The following AUTS2 variants were observed in gnomAD, a reference collection of about 807,000 sequenced individuals.
AUTS2 encodes the protein autism susceptibility gene 2 protein.
Under a neutral mutation model 112.4 loss-of-function variants are expected in AUTS2, and 17 were observed. That is an observed-to-expected ratio of 0.15 (90% CI 0.10 to 0.23). AUTS2 has a LOEUF of 0.23. AUTS2 is among the 10% of genes least tolerant of loss of function. The probability of loss-of-function intolerance (pLI) is 1.00; values close to 1 mark genes in which losing one functional copy is unlikely to be tolerated. For missense variants in AUTS2, 1,510 were observed against 1,701.6 expected, an observed-to-expected ratio of 0.89 and a Z score of 1.98; for synonymous variants, 751 against 702.7, an observed-to-expected ratio of 1.07 and a Z score of -1.09.
chr7:69,944,915 G>A (rs1322256175), intron 2 of AUTS2, among the ~76,000 whole-genome samples: 1 of 152,068 alleles, frequency 6.6e-6, no homozygotes, highest in Admixed American at 6.6e-5. Flanking sequence ...CCCTTTCTTA[G>A]CATCCTAAGC....
chr7:70,494,809 G>A (rs1798385435), intron 5 of AUTS2, among the ~76,000 whole-genome samples: 1 of 152,152 alleles, frequency 6.6e-6, no homozygotes, highest in South Asian at 2.1e-4. Context: ...GCCCAAAGCT[G>A]AGGAAAAATG....
rs536187280 is a variant in AUTS2 at position 70,583,062 on chromosome 7, G to A, written c.691-115507G>A. 2.7e-4 allele frequency among the ~76,000 whole-genome samples: 41 copies of A among 152,286 alleles called. 1 individual carries two copies. In the South Asian group the frequency reaches 8.5e-3, roughly 32 times the overall value. On this transcript the variant is annotated intron_variant, in intron 5 of 18. Coordinates refer to ENST00000342771, the MANE Select transcript of AUTS2 (RefSeq NM_015570.4). ...CCTGTTTAAGTTTTATTTAGAGAAA[G>A]TGTGTAACTTATAAACCAGCTCGCT... is the stretch of plus-strand genomic sequence containing the variant.
At chr7:70,450,527 G>C (rs953528852) in intron 5 of AUTS2, among the ~76,000 whole-genome samples, 8 of 152,200 alleles carry the variant, frequency 5.3e-5, no homozygotes. Context: ...TGTTTGGTCA[G>C]GGTCCATGGC....
At chr7:70,440,172 C>T (rs533648912) in intron 5 of AUTS2, among the ~76,000 whole-genome samples, 1 of 142,454 alleles carries the variant, frequency 7.0e-6, no homozygotes, top group Middle Eastern at 3.8e-3. Context: ...GGGCTCTTGT[C>T]TTTGAGCCCT....
At chr7:70,625,470 T>C (rs1804889082) in intron 5 of AUTS2, among the ~76,000 whole-genome samples, 1 of 152,222 alleles carries the variant, frequency 6.6e-6, no homozygotes, top group Non-Finnish European at 1.5e-5. Flanking sequence ...TCCTCACCAG[T>C]AGTCAGATGG....
At chr7:70,298,631 C>T (rs1789056971) in intron 4 of AUTS2, among the ~76,000 whole-genome samples, 1 of 152,220 alleles carries the variant, frequency 6.6e-6, no homozygotes, top group South Asian at 2.1e-4. Flanking sequence ...CCATATTAAC[C>T]ATGTCTGGCT....
intron 5 of AUTS2, among the ~76,000 whole-genome samples, chr7:70,640,118 A>G (rs1805734177): frequency 6.6e-6 from 1 of 151,882 alleles, no homozygotes; most frequent in South Asian, 2.1e-4. Context: ...TATGGGATGC[A>G]TTTTGGTGGG....
intron 2 of AUTS2, among the ~76,000 whole-genome samples, chr7:70,034,793 C>T (rs546827154): frequency 7.9e-5 from 12 of 152,222 alleles, no homozygotes; most frequent in Non-Finnish European, 1.0e-4. Context: ...TAGTTGAGCA[C>T]GTCTTGAGTG....
chr7:70,003,429 AAT>A (rs1344305605), intron 2 of AUTS2, among the ~76,000 whole-genome samples: 9 of 125,586 alleles, frequency 7.2e-5, no homozygotes, highest in Admixed American at 6.3e-4. Flanking sequence ...GTTATATATG[AAT>A]ATGTTATATA....
At chr7:70,340,528 A>G (rs1791217561) in intron 4 of AUTS2, among the ~76,000 whole-genome samples, 1 of 152,086 alleles carries the variant, frequency 6.6e-6, no homozygotes, top group Admixed American at 6.5e-5. Flanking sequence ...AGTAATTAAG[A>G]ATACACTGGA....
At chr7:70,725,890 T>TG (rs770041335) in intron 6 of AUTS2, among the ~76,000 whole-genome samples, 1 of 151,576 alleles carries the variant, frequency 6.6e-6, no homozygotes, top group Non-Finnish European at 1.5e-5. Flanking sequence ...GCGTGGGTGG[T>TG]GGGCGCCTGT....
Position 70,213,409 on chromosome 7 carries a change from C to G in AUTS2, c.660+78838C>G, listed in dbSNP as rs901961394. ...AGTGCAGCAGCATATGCCTGTAGTCCCAACTACTGAGGGCATAGAGGTAGG... is the reference window on the plus strand; with the variant it reads ...AGTGCAGCAGCATATGCCTGTAGTCGCAACTACTGAGGGCATAGAGGTAGG... On this transcript the variant is annotated intron_variant, in intron 4 of 18. Coordinates refer to ENST00000342771, the MANE Select transcript of AUTS2 (RefSeq NM_015570.4). 4.0e-5 allele frequency among the ~76,000 whole-genome samples: 6 copies of G among 150,380 alleles called. No individual in the cohort carries two copies. The East Asian group carries it at 1.2e-3, about 29-fold the overall frequency.
intron 5 of AUTS2, among the ~76,000 whole-genome samples, chr7:70,443,495 T>C (rs1017433660): frequency 3.3e-5 from 5 of 152,224 alleles, no homozygotes; most frequent in African/African-American, 1.2e-4. Flanking sequence ...GGGAAATTAA[T>C]ATGTGATTGT....
intron 5 of AUTS2, among the ~76,000 whole-genome samples, chr7:70,484,064 G>A (rs981150246): frequency 2.0e-5 from 3 of 152,146 alleles, no homozygotes; most frequent in Non-Finnish European, 4.4e-5. Flanking sequence ...AAGATTTGTT[G>A]CAAGTTACAA....
intron 6 of AUTS2, among the ~76,000 whole-genome samples, chr7:70,730,781 C>T (rs913632792): frequency 1.3e-5 from 2 of 152,112 alleles, no homozygotes; most frequent in African/African-American, 4.8e-5. Flanking sequence ...AGTGGAAGTG[C>T]TGGGTCATGT....
At chr7:69,994,527 G>GT (rs1386635465) in intron 2 of AUTS2, among the ~76,000 whole-genome samples, 1 of 152,114 alleles carries the variant, frequency 6.6e-6, no homozygotes, top group East Asian at 1.9e-4. Flanking sequence ...CATGTTGTCT[G>GT]TGTGAATATG....
intron 1 of AUTS2, among the ~76,000 whole-genome samples, chr7:69,684,941 A>G (rs1038130036): frequency 1.3e-5 from 2 of 152,186 alleles, no homozygotes; most frequent in African/African-American, 4.8e-5. Flanking sequence ...TAAAATCTGT[A>G]TGTTCAGACT....
intron 1 of AUTS2, among the ~76,000 whole-genome samples, chr7:69,807,836 C>A (rs1011749430): frequency 1.3e-5 from 2 of 152,100 alleles, no homozygotes; most frequent in Non-Finnish European, 2.9e-5. Flanking sequence ...AGAAAAATGA[C>A]CTAATCTTGC....
chr7:70,211,388 G>A (rs1262392917), intron 4 of AUTS2, among the ~76,000 whole-genome samples: 2 of 149,516 alleles, frequency 1.3e-5, no homozygotes, highest in African/African-American at 2.5e-5. Context: ...GGTGGTTCAC[G>A]CCTATAATCC....
Sources: gnomAD v4.1 joint callset for allele counts (sites outside exome capture counted in the v4.1 genomes callset) on GRCh38, gnomAD v4.1.1 for gene constraint, MANE v1.5 for transcripts, NCBI Gene and HGNC (gene_info 2026-07-23, HGNC 2026-07-21) for gene names.